PCSK2: variants seen among roughly 807,000 people sequenced by gnomAD.
PCSK2 encodes the protein proprotein convertase subtilisin/kexin type 2, also known as neuroendocrine convertase 2.
PCSK2 carries 14 observed loss-of-function variants against 69.7 expected under a neutral mutation model. The ratio of observed to expected loss-of-function variants is 0.20; its 90% CI spans 0.13 to 0.31. The LOEUF is 0.31. PCSK2 is among the 10% of genes least tolerant of loss of function. The pLI, the probability that PCSK2 is intolerant of heterozygous loss-of-function variation, is 1.00. For missense variants in PCSK2, 544 were observed against 842.5 expected, an observed-to-expected ratio of 0.65 and a Z score of 4.39; for synonymous variants, 307 against 320.7, an observed-to-expected ratio of 0.96 and a Z score of 0.46.
At chr20:17,403,431 C>A (rs1448217491) in intron 5 of PCSK2, among the ~76,000 whole-genome samples, 1 of 152,172 alleles carries the variant, frequency 6.6e-6, no homozygotes, top group Non-Finnish European at 1.5e-5. Flanking sequence ...TAAGCCGTGG[C>A]CATATTAGAC....
At chr20:17,318,165 A>T (rs1261887951) in intron 2 of PCSK2, among the ~76,000 whole-genome samples, 1 of 152,202 alleles carries the variant, frequency 6.6e-6, no homozygotes, top group African/African-American at 2.4e-5. Flanking sequence ...TTTGGAACAT[A>T]GTTCTGAATG....
intron 1 of PCSK2, among the ~76,000 whole-genome samples, chr20:17,241,042 G>T (rs76804402): frequency 6.6e-6 from 1 of 152,150 alleles, no homozygotes; most frequent in Admixed American, 6.5e-5. Flanking sequence ...ATCAGTTCGC[G>T]CTGATTACAG....
At chr20:17,352,767 G>A (rs77884389) in intron 2 of PCSK2, among the ~76,000 whole-genome samples, 1,916 of 152,252 alleles carry the variant, frequency 0.013, 14 homozygotes, top group East Asian at 0.035. Context: ...CCTAGGAAAT[G>A]CCATTCCAGA....
At chr20:17,356,340 A>G (rs947183067) in intron 2 of PCSK2, among the ~76,000 whole-genome samples, 1 of 152,100 alleles carries the variant, frequency 6.6e-6, no homozygotes, top group Non-Finnish European at 1.5e-5. Flanking sequence ...GAATACCTCC[A>G]AAGAACTCCC....
chr20:17,302,039 T>G (rs774509698), intron 2 of PCSK2, among the ~76,000 whole-genome samples: 6 of 152,056 alleles, frequency 3.9e-5, no homozygotes, highest in African/African-American at 7.2e-5. Context: ...GAAATACCAA[T>G]GTTTAGGATG....
chr20:17,372,662 C>T (rs2030805119), intron 5 of PCSK2, among the ~76,000 whole-genome samples: 1 of 152,086 alleles, frequency 6.6e-6, no homozygotes, highest in Non-Finnish European at 1.5e-5. Flanking sequence ...TTGTATCAAA[C>T]ACTTGGAAGC....
intron 2 of PCSK2, among the ~76,000 whole-genome samples, chr20:17,347,867 G>C (rs986298941): frequency 6.4e-5 from 3 of 46,940 alleles, no homozygotes; most frequent in Non-Finnish European, 1.2e-4. Context: ...AAAGAGGAGA[G>C]AGAAAAAAGA....
intron 2 of PCSK2, among the ~76,000 whole-genome samples, chr20:17,329,724 C>T (rs1024512844): frequency 7.9e-5 from 12 of 152,314 alleles, no homozygotes; most frequent in African/African-American, 2.6e-4. Flanking sequence ...AGCATATTTG[C>T]ATGTATTAAC....
At chr20:17,338,424 T>C (rs8120978) in intron 2 of PCSK2, among the ~76,000 whole-genome samples, 44,681 of 151,908 alleles carry the variant, frequency 0.29, 7,534 homozygotes, top group Non-Finnish European at 0.39. Flanking sequence ...CTTGAACTCC[T>C]GACCTTTTGA....
intron 9 of PCSK2, among the ~76,000 whole-genome samples, chr20:17,455,834 C>T (rs2123385432): frequency 6.6e-6 from 1 of 152,306 alleles, no homozygotes; most frequent in East Asian, 1.9e-4. Context: ...ACTATATATC[C>T]CCTTTTACGT....
chr20:17,238,243 T>A (rs1986417711), intron 1 of PCSK2, among the ~76,000 whole-genome samples: 1 of 151,600 alleles, frequency 6.6e-6, no homozygotes. Context: ...TCACTTGATG[T>A]GGTTTTAAAG....
intron 8 of PCSK2, among the ~76,000 whole-genome samples, chr20:17,443,864 C>G (rs6034829): frequency 6.6e-6 from 1 of 152,222 alleles, no homozygotes; most frequent in Admixed American, 6.5e-5. Context: ...CTTCAGATGA[C>G]AGCAAGTACA....
At chr20:17,309,678 C>G (rs1989438464) in intron 2 of PCSK2, among the ~76,000 whole-genome samples, 1 of 151,958 alleles carries the variant, frequency 6.6e-6, no homozygotes, top group African/African-American at 2.4e-5. Flanking sequence ...ATTAGCCAGG[C>G]CTGGTGGCAG....
chr20:17,331,792 G>C (rs1404658991), intron 2 of PCSK2, among the ~76,000 whole-genome samples: 1 of 151,874 alleles, frequency 6.6e-6, no homozygotes, highest in Non-Finnish European at 1.5e-5. Flanking sequence ...CTCTGAGGTT[G>C]GCAGAAGTGT....
intron 2 of PCSK2, among the ~76,000 whole-genome samples, chr20:17,312,083 G>A (rs1247037732): frequency 3.9e-5 from 6 of 152,164 alleles, no homozygotes; most frequent in Non-Finnish European, 5.9e-5. Context: ...CTGCAAACAC[G>A]TCATTTCATC....
At chr20:17,436,941 A>G (rs2032495992) in intron 8 of PCSK2, 58 bp downstream of exon 8, 2 of 1,438,178 alleles carry the variant, frequency 1.4e-6, no homozygotes, top group East Asian at 2.4e-5. Flanking sequence ...AAGTGGGTGG[A>G]GGGGTAGATG....
chr20:17,265,027 CTAATT>C (rs1987539724), intron 2 of PCSK2, among the ~76,000 whole-genome samples: 1 of 152,150 alleles, frequency 6.6e-6, no homozygotes, highest in Non-Finnish European at 1.5e-5. Flanking sequence ...CCACACCTGG[CTAATT>C]TTTGTATTTT....
At chr20:17,456,985 C>G (rs1361611693) in intron 10 of PCSK2, among the ~76,000 whole-genome samples, 1 of 152,250 alleles carries the variant, frequency 6.6e-6, no homozygotes, top group South Asian at 2.1e-4. Context: ...TCCTGGGAGA[C>G]CTTCCAAGCT....
At chr20:17,306,475 T>C (rs561573084) in intron 2 of PCSK2, among the ~76,000 whole-genome samples, 97 of 152,278 alleles carry the variant, frequency 6.4e-4, no homozygotes, top group African/African-American at 2.3e-3. Flanking sequence ...TAGTGGGCAT[T>C]AGATTTATAA....
Sources: allele counts gnomAD v4.1 joint callset (sites outside exome capture counted in the v4.1 genomes callset), GRCh38; gene constraint gnomAD v4.1.1; transcripts MANE v1.5; gene names NCBI Gene and HGNC (gene_info 2026-07-23, HGNC 2026-07-21).